Variants in NTM observed in about 807,000 individuals in gnomAD.
NTM encodes the protein IgLON family member 2.
In NTM, 13 loss-of-function variants were observed where a neutral mutation model predicts 42.1. That is an observed-to-expected ratio of 0.31 (90% CI 0.20 to 0.49). The LOEUF (loss-of-function observed/expected upper bound fraction) is 0.49, where lower values mean the gene tolerates loss of function less well. NTM is among the 20% of genes least tolerant of loss of function. The pLI, the probability that NTM is intolerant of heterozygous loss-of-function variation, is 0.99. For missense variants in NTM, 373 were observed against 452.8 expected (o/e 0.82, Z 1.60); for synonymous variants, 187 against 179.2 (o/e 1.04, Z -0.35).
At chr11:131,634,622 A>G (rs1264011557) in intron 1 of NTM, among the ~76,000 whole-genome samples, 1 of 142,470 alleles carries the variant, frequency 7.0e-6, no homozygotes, top group Admixed American at 7.5e-5. Flanking sequence ...GGATGATTTT[A>G]TACAAGGACA....
intron 2 of NTM, among the ~76,000 whole-genome samples, chr11:131,973,552 G>T (rs951853785): frequency 1.3e-5 from 2 of 152,210 alleles, no homozygotes; most frequent in East Asian, 1.9e-4. Context: ...AGGCGCTGTG[G>T]CTCATGCCGA....
chr11:131,732,233 C>T (rs2135494780), intron 1 of NTM, among the ~76,000 whole-genome samples: 1 of 152,274 alleles, frequency 6.6e-6, no homozygotes, highest in Admixed American at 6.5e-5. Context: ...TTTATTCACC[C>T]AATTGTCTGA....
intron 1 of NTM, among the ~76,000 whole-genome samples, chr11:131,372,409 G>A (rs539845816): frequency 2.6e-5 from 4 of 152,202 alleles, no homozygotes; most frequent in East Asian, 3.9e-4. Context: ...AGGCATCCTC[G>A]ATTGACTCCT....
intron 3 of NTM, among the ~76,000 whole-genome samples, chr11:132,194,148 AAAC>A (rs372400785): frequency 1.5e-3 from 223 of 152,056 alleles, no homozygotes; most frequent in African/African-American, 4.7e-3. Flanking sequence ...TGAAACAAAC[AAAC>A]AACAACAACA....
At chr11:132,017,235 C>G (rs2073579315) in intron 2 of NTM, among the ~76,000 whole-genome samples, 2 of 151,748 alleles carry the variant, frequency 1.3e-5, no homozygotes, top group African/African-American at 2.4e-5. Context: ...GAAGATTTTT[C>G]TTCTACATTT....
At chr11:131,394,464 T>C (rs1226208498) in intron 1 of NTM, among the ~76,000 whole-genome samples, 2 of 152,094 alleles carry the variant, frequency 1.3e-5, no homozygotes, top group African/African-American at 2.4e-5. Context: ...GGGTGCTCTA[T>C]GGAGAGAAGA....
intron 2 of NTM, among the ~76,000 whole-genome samples, chr11:132,044,052 GTGTGTA>G (rs1445096161): frequency 3.5e-5 from 5 of 141,428 alleles, no homozygotes; most frequent in Non-Finnish European, 8.1e-5. Context: ...GTATGGGTAT[GTGTGTA>G]TGTGTGTGTA....
chr11:132,201,801 C>T (rs1276581308), intron 3 of NTM, among the ~76,000 whole-genome samples: 2 of 152,078 alleles, frequency 1.3e-5, no homozygotes, highest in Admixed American at 1.3e-4. Context: ...TCAATTATAC[C>T]TACATATTTT....
intron 1 of NTM, among the ~76,000 whole-genome samples, chr11:131,899,198 G>A (rs1329208367): frequency 6.6e-6 from 1 of 152,104 alleles, no homozygotes; most frequent in Non-Finnish European, 1.5e-5. Context: ...AGTGCACAGA[G>A]GAGCAGGGGT....
intron 1 of NTM, among the ~76,000 whole-genome samples, chr11:131,905,170 T>C (rs1411663564): frequency 6.6e-6 from 1 of 152,162 alleles, no homozygotes; most frequent in African/African-American, 2.4e-5. Flanking sequence ...GAGCAGTAGG[T>C]ACCATGAGGA....
rs150101726 is a variant in NTM at position 132,145,451 on chromosome 11, G to A, written c.168-831G>A. 3.0e-3 allele frequency among the ~76,000 whole-genome samples: 456 copies of A among 152,332 alleles called. 5 individuals are homozygous for A. Among genetic ancestry groups the A allele is most frequent in the South Asian group, 0.027 (130 of 4,822 alleles). On this transcript the variant is annotated intron_variant, in intron 2 of 8. Coordinates refer to ENST00000683400, the MANE Select transcript of NTM (RefSeq NM_001352005.2). Reference sequence around the variant, plus strand: ...ATGGAACAGACTTGCTGTAGTAAGAGAGGGAAATGAATACAGACAGAAAGA... The same window carrying A: ...ATGGAACAGACTTGCTGTAGTAAGAAAGGGAAATGAATACAGACAGAAAGA...
chr11:131,514,023 C>T (rs1185563282), intron 1 of NTM, among the ~76,000 whole-genome samples: 1 of 152,208 alleles, frequency 6.6e-6, no homozygotes, highest in East Asian at 1.9e-4. Flanking sequence ...TGGCCTAAGG[C>T]TTCACCAGGA....
intron 4 of NTM, among the ~76,000 whole-genome samples, chr11:132,271,396 T>C (rs2093468673): frequency 6.6e-6 from 1 of 152,190 alleles, no homozygotes; most frequent in South Asian, 2.1e-4. Context: ...TATTTTCTTT[T>C]CTCTTGGTTT....
At chr11:131,402,396 T>A (rs1447710532) in intron 1 of NTM, among the ~76,000 whole-genome samples, 2 of 145,586 alleles carry the variant, frequency 1.4e-5, no homozygotes, top group African/African-American at 2.5e-5. Context: ...AACTAAGTCA[T>A]AAAAAAAAAA....
intron 1 of NTM, among the ~76,000 whole-genome samples, chr11:131,783,367 G>A (rs1565541297): frequency 6.6e-6 from 1 of 152,116 alleles, no homozygotes; most frequent in Non-Finnish European, 1.5e-5. Context: ...TCCATGGGTT[G>A]GAAGATGATA....
Position 132,146,301 on chromosome 11 carries a change from G to A in NTM, c.187G>A (p.Val63Ile). 1.2e-6 allele frequency: 2 copies of A among 1,614,192 alleles called. No individual in the cohort carries two copies. Among genetic ancestry groups the A allele is most frequent in the Non-Finnish European group, 1.7e-6 (2 of 1,180,034 alleles). ...ATLRCTIDNRVTRVAWLNRST... is the reference protein window; with the variant it reads ...ATLRCTIDNRITRVAWLNRST... Reference sequence around the variant, plus strand: ...CTTCAGGTGCACTATTGACAACCGGGTCACCCGGGTGGCCTGGCTAAACCG... The same window carrying A: ...CTTCAGGTGCACTATTGACAACCGGATCACCCGGGTGGCCTGGCTAAACCG... The change falls in exon 3 of 9, where the codon GTC becomes ATC. Residue 63 changes from valine to isoleucine, a missense_variant. Val to Ile is a conservative substitution (Grantham distance 29). This residue lies in a region of NTM where 32 missense variants were observed against 68.8 expected (regional missense o/e 0.47). Coordinates refer to ENST00000683400, the MANE Select transcript of NTM (RefSeq NM_001352005.2). The surrounding 1 kb of genome is among the most constrained non-coding windows in gnomAD (Gnocchi z 4.5).
intron 4 of NTM, among the ~76,000 whole-genome samples, chr11:132,279,095 G>T (rs1441090200): frequency 2.0e-5 from 3 of 152,134 alleles, no homozygotes; most frequent in African/African-American, 7.2e-5. Flanking sequence ...GCTTATCACA[G>T]AGAATACCAC....
intron 1 of NTM, chr11:131,773,979 C>T (rs1287136225): frequency 1.0e-6 from 1 of 982,632 alleles, no homozygotes; most frequent in East Asian, 1.1e-4. Flanking sequence ...TGTTAAGGAC[C>T]TCCAATTCCT....
chr11:131,784,201 T>C (rs975229232), intron 1 of NTM, among the ~76,000 whole-genome samples: 2 of 152,176 alleles, frequency 1.3e-5, no homozygotes, highest in African/African-American at 4.8e-5. Flanking sequence ...AATGTCAAAA[T>C]TGTACAACCA....
Sources: gnomAD v4.1 joint callset for allele counts (sites outside exome capture counted in the v4.1 genomes callset) on GRCh38, gnomAD v4.1.1 for gene constraint, gnomAD v4.1.1 regional missense constraint, Gnocchi (gnomAD v3.1) non-coding constraint, MANE v1.5 for transcripts, NCBI Gene and HGNC (gene_info 2026-07-23, HGNC 2026-07-21) for gene names.